The following ZNF333 variants were observed in gnomAD, a reference collection of about 807,000 sequenced individuals.
ZNF333 encodes zinc finger protein 333.
In ZNF333, 61 loss-of-function variants were observed where a neutral mutation model predicts 76.1. That is an observed-to-expected ratio of 0.80 (90% CI 0.65 to 0.99). The LOEUF is 0.99. ZNF333 is among the 50% of genes least tolerant of loss of function. ZNF333 has a pLI of 0.00. For missense variants in ZNF333, 717 were observed against 822.4 expected (o/e 0.87, Z 1.57); for synonymous variants, 284 against 305.0 (o/e 0.93, Z 0.72).
At chr19:14,708,081 C>T (rs1010070270) in intron 7 of ZNF333, 8 of 393,808 alleles carry the variant, frequency 2.0e-5, no homozygotes, top group African/African-American at 1.4e-4. Flanking sequence ...GATCTCGGCT[C>T]ACTGCAACCT....
chr19:14,719,137 C>T lies in ZNF333; in HGVS notation c.1810C>T (p.His604Tyr). The stretch of plus-strand genomic sequence containing the variant: ...CGGGCGAGCCTTTGGTCAGTCTTCA[C>T]ATCTTATTGTACATGTGAGAACACA... ...ECGRAFGQSS[H>Y]LIVHVRTHSA... is the part of the protein sequence containing the mutation. The change falls in exon 12 of 12, where the codon CAT (histidine) becomes TAT (tyrosine). Residue 604 changes from histidine (H) to tyrosine (Y), a missense_variant. Physicochemically the swap from His to Tyr is moderately conservative, Grantham distance 83. Transcript: ENST00000292530. 2.5e-6 allele frequency: 4 copies of T among 1,614,212 alleles called. No homozygotes were observed. Among genetic ancestry groups the T allele is most frequent in the Non-Finnish European group, 3.4e-6 (4 of 1,180,034 alleles).
At position 14,695,591 on chromosome 19, in the gene ZNF333, T is replaced by A. The variant is rs1490316401; in HGVS notation, c.153T>A (p.Cys51Ter). 6.2e-7 allele frequency: 1 copy of A among 1,614,076 alleles called. No individual in the cohort carries two copies. Among genetic ancestry groups the A allele is most frequent in the Non-Finnish European group, 8.5e-7 (1 of 1,180,048 alleles). Residue 51 changes from cysteine to a stop codon, truncating the protein, a stop_gained, in exon 4 of 12, where the codon TGT becomes TGA. Coordinates refer to ENST00000292530, the MANE Select transcript of ZNF333 (RefSeq NM_032433.4). LOFTEE classifies it high-confidence loss of function. ...GAACTCCACCATGCAAACCCAGTTG[T>A]GTCTCCCAGCTGGGGCAAAGAGCAG... ...SRGTPPCKPS[C>*]VSQLGQRAEP...
chr19:14,703,590 G>A (rs1281107936), intron 5 of ZNF333, among the ~76,000 whole-genome samples: 1 of 152,202 alleles, frequency 6.6e-6, no homozygotes, highest in Non-Finnish European at 1.5e-5. Context: ...GGCACACCAT[G>A]CCACACAGGT....
At chr19:14,718,097 A>G (rs550260640) in intron 11 of ZNF333, 131 bp from the exon 12 acceptor site, 1 of 1,258,298 alleles carries the variant, frequency 7.9e-7, no homozygotes. Context: ...CTGGATAGAA[A>G]TGGTATGGAC....
At chr19:14,712,717 A>G (rs2042314471) in intron 7 of ZNF333, among the ~76,000 whole-genome samples, 1 of 151,948 alleles carries the variant, frequency 6.6e-6, no homozygotes, top group African/African-American at 2.4e-5. Context: ...GTGTTGCCTC[A>G]TGGCTGTGTC....
In ZNF333 at chr19:14,708,673, A is replaced by G. The variant is rs1050632734; in HGVS notation, c.511+1900A>G. On this transcript the variant is annotated intron_variant, in intron 7 of 11. Coordinates refer to ENST00000292530, the MANE Select transcript of ZNF333 (RefSeq NM_032433.4). ...AGCATCCCTGGCCTCAACTCACTAG[A>G]TGCTACGAGCACTTTTCCTCTATGA... is the stretch of plus-strand genomic sequence containing the variant. 2.5e-4 allele frequency: 76 copies of G among 304,972 alleles called. No homozygotes were observed. The Middle Eastern group carries it at 2.7e-3, about 11-fold the overall frequency. The allele number at this position is 304,972 out of a possible 1,614,324, so 18.9% of individuals were successfully genotyped here.
In ZNF333 at chr19:14,719,313, C is replaced by G; in HGVS notation, c.1986C>G (p.Pro662=). 3 of 1,598,150 alleles carry G rather than the reference C, an allele frequency of 1.9e-6. No individual in the cohort carries two copies. The South Asian group carries it at 3.4e-5, about 18-fold the overall frequency. Residue 662 remains proline, a synonymous_variant, in exon 12 of 12, where the codon CCC becomes CCG. Transcript: ENST00000292530. The part of the protein sequence containing the change: ...PLSMSHPYCG[P]LAN ...CCATGTCTCATCCATACTGTGGGCC[C>G]CTTGCTAATTAACTTCCATTTTGTA...
rs988807970 is a variant in ZNF333 at position 14,718,467 on chromosome 19, C to T, written c.1140C>T (p.Asp380=). The change falls in exon 12 of 12, where the codon GAC becomes GAT. Residue 380 remains aspartate (D), a synonymous_variant. Coordinates refer to ENST00000292530, the MANE Select transcript of ZNF333 (RefSeq NM_032433.4). ...AAAAATCCTTCAGATACAGCTCTGA[C>T]CTTATCAGGCATGAGAAGACTCATA... The part of the protein sequence containing the change: ...KCEKSFRYSS[D]LIRHEKTHTA... 3 of 1,614,180 alleles carry T rather than the reference C, an allele frequency of 1.9e-6. No homozygotes were observed. Among genetic ancestry groups the T allele is most frequent in the Non-Finnish European group, 2.5e-6 (3 of 1,180,040 alleles).
At chr19:14,697,675 T>A (rs918955409) in intron 4 of ZNF333, among the ~76,000 whole-genome samples, 2 of 152,240 alleles carry the variant, frequency 1.3e-5, no homozygotes, top group Non-Finnish European at 2.9e-5. Flanking sequence ...GTACAAGATT[T>A]ATGTAGACAT....
At chr19:14,706,403 A>G (rs1271375256) in intron 6 of ZNF333, 1 of 442,092 alleles carries the variant, frequency 2.3e-6, no homozygotes, top group Non-Finnish European at 4.2e-6. Flanking sequence ...TCCACTCCCC[A>G]CTTTTTTCCC....
rs977291817 is a variant in ZNF333 at position 14,720,671 on chromosome 19, A to T, written c.*1346A>T. On this transcript the variant is annotated 3_prime_UTR_variant, in exon 12 of 12. Coordinates refer to ENST00000292530, the MANE Select transcript of ZNF333 (RefSeq NM_032433.4). ...ATAATTCCTAACTGATGCACTTAGT[A>T]TATGTCAGTTTTTATAAATGCTTCA... 8 of 985,394 alleles carry T rather than the reference A, an allele frequency of 8.1e-6. No individual in the cohort carries two copies. The African/African-American group carries it at 1.2e-4, about 15-fold the overall frequency. 61.0% of individuals were successfully genotyped at this position (985,394 alleles called of 1,614,324 possible). A position where few individuals can be genotyped will look rare whatever the true frequency, so the allele number is the denominator to read the frequency against.
At chr19:14,714,211 T>G (rs1406416851) in intron 7 of ZNF333, among the ~76,000 whole-genome samples, 6 of 151,860 alleles carry the variant, frequency 4.0e-5, no homozygotes, top group Non-Finnish European at 8.8e-5. Flanking sequence ...AAAGACATGC[T>G]GAAGTCCTAA....
intron 5 of ZNF333, among the ~76,000 whole-genome samples, chr19:14,703,202 C>CAAAA (rs35839207): frequency 1.4e-5 from 1 of 73,062 alleles, no homozygotes. Flanking sequence ...GACTCCGTCT[C>CAAAA]AAAAAAAAAA....
In ZNF333 at chr19:14,709,405, G is replaced by A. The variant is rs565065943; in HGVS notation, c.511+2632G>A. ...ATGTTCAAATATGGTTACCAGGGGT[G>A]AGATAAGATACTAGGGGTTAAGACT... On this transcript the variant is annotated intron_variant, in intron 7 of 11. Coordinates refer to ENST00000292530, the MANE Select transcript of ZNF333 (RefSeq NM_032433.4). 1.4e-4 allele frequency among the ~76,000 whole-genome samples: 22 copies of A among 152,342 alleles called. No homozygotes were observed. In the South Asian group the frequency reaches 1.7e-3, roughly 11 times the overall value.
chr19:14,712,369 G>A (rs1461404690), intron 7 of ZNF333, among the ~76,000 whole-genome samples: 1 of 151,946 alleles, frequency 6.6e-6, no homozygotes, highest in African/African-American at 2.4e-5. Context: ...ACAGATGTGT[G>A]CCACCACGCC....
At chr19:14,712,664 T>C (rs953763622) in intron 7 of ZNF333, among the ~76,000 whole-genome samples, 1 of 152,128 alleles carries the variant, frequency 6.6e-6, no homozygotes, top group African/African-American at 2.4e-5. Context: ...CTGCAGCCCT[T>C]GGTGCTCCTT....
intron 11 of ZNF333, 89 bp from the exon 12 acceptor site, chr19:14,718,139 C>T: frequency 6.7e-7 from 1 of 1,496,744 alleles, no homozygotes; most frequent in Non-Finnish European, 8.9e-7. Flanking sequence ...AGATATAGAA[C>T]TGTCTTTTTC....
chr19:14,702,890 G>C lies in ZNF333; in HGVS notation c.307-2164G>C, dbSNP rs112164335. ...CAGCAAGGAGAAGTATAAACAAAAG[G>C]GGGAAAAACCCCTTATAAAACCATC... is the stretch of plus-strand genomic sequence containing the variant. On this transcript the variant is annotated intron_variant, in intron 5 of 11. Transcript: ENST00000292530. Among the ~76,000 whole-genome samples the C allele has an allele frequency of 4.8e-3, 725 of 152,196 alleles. 5 individuals are homozygous for C. Among genetic ancestry groups the C allele is most frequent in the African/African-American group, 0.017 (696 of 41,522 alleles).
chr19:14,709,666 G>A (rs962818474), intron 7 of ZNF333, among the ~76,000 whole-genome samples: 3 of 152,196 alleles, frequency 2.0e-5, no homozygotes, highest in Non-Finnish European at 2.9e-5. Context: ...CAGAACTCAT[G>A]CCCTTACAAG....
Sources: gnomAD v4.1 joint callset for allele counts (sites outside exome capture counted in the v4.1 genomes callset) on GRCh38, gnomAD v4.1.1 for gene constraint, MANE v1.5 for transcripts, NCBI Gene and HGNC (gene_info 2026-07-23, HGNC 2026-07-21) for gene names.